The following DOCK3 variants were observed in gnomAD, a reference collection of about 807,000 sequenced individuals.
DOCK3 encodes the protein dedicator of cytokinesis protein 3.
DOCK3 carries 60 observed loss-of-function variants against 265.6 expected under a neutral mutation model. That is an observed-to-expected ratio of 0.23 (90% CI 0.18 to 0.28). DOCK3 has a LOEUF of 0.28. DOCK3 is among the 10% of genes least tolerant of loss of function. The pLI, the probability that DOCK3 is intolerant of heterozygous loss-of-function variation, is 1.00. For synonymous variants in DOCK3, 881 were observed against 938.0 expected (o/e 0.94, Z 1.11); for missense variants, 1,981 against 2,594.3 (o/e 0.76, Z 5.14).
In DOCK3 at chr3:51,313,753, G is replaced by A. The variant is rs538517590; in HGVS notation, c.3253+851G>A. ...AAGTAGGATATGAAGTATTTCTGCC[G>A]GCGAGAGGGCCTTCTATTCATGAGT... On this transcript the variant is annotated intron_variant, in intron 31 of 52. Coordinates refer to ENST00000266037, the MANE Select transcript of DOCK3 (RefSeq NM_004947.5). Among the ~76,000 whole-genome samples, 13 of 152,264 alleles carry A rather than the reference G, an allele frequency of 8.5e-5. No individual in the cohort carries two copies. In the South Asian group the frequency reaches 1.2e-3, roughly 15 times the overall value.
chr3:51,079,188 T>A (rs765542231), intron 7 of DOCK3, among the ~76,000 whole-genome samples: 10 of 152,134 alleles, frequency 6.6e-5, no homozygotes, highest in Non-Finnish European at 1.2e-4. Context: ...AAATCCTGTA[T>A]GAATAAGATT....
At chr3:51,174,881 C>G (rs968920844) in intron 12 of DOCK3, among the ~76,000 whole-genome samples, 1 of 152,200 alleles carries the variant, frequency 6.6e-6, no homozygotes. Context: ...TGGTGGGCCT[C>G]TTTCCAGGAG....
chr3:50,725,676 G>A (rs2037776592), intron 1 of DOCK3, among the ~76,000 whole-genome samples: 1 of 152,134 alleles, frequency 6.6e-6, no homozygotes, highest in African/African-American at 2.4e-5. Flanking sequence ...GCAGCAATGG[G>A]GATAGTGACC....
intron 7 of DOCK3, 84 bp from the exon 8 acceptor site, chr3:51,089,159 C>T: frequency 7.2e-7 from 1 of 1,384,144 alleles, no homozygotes; most frequent in South Asian, 1.3e-5. Flanking sequence ...AAAGGCATAG[C>T]AGACTGCCCA....
At chr3:50,954,281 ATTTCCTTCCTT>A (rs1167337902) in intron 5 of DOCK3, among the ~76,000 whole-genome samples, 1 of 152,066 alleles carries the variant, frequency 6.6e-6, no homozygotes, top group Non-Finnish European at 1.5e-5. Context: ...ATGTGTCAGG[ATTTCCTTCCTT>A]TTTAAGGCTG....
intron 12 of DOCK3, among the ~76,000 whole-genome samples, chr3:51,161,534 T>C (rs2086144535): frequency 6.6e-6 from 1 of 152,232 alleles, no homozygotes; most frequent in African/African-American, 2.4e-5. Context: ...GCATTATTTT[T>C]AATAAGCTTC....
At chr3:51,029,124 G>A (rs983104763) in intron 5 of DOCK3, among the ~76,000 whole-genome samples, 5 of 152,000 alleles carry the variant, frequency 3.3e-5, no homozygotes, top group African/African-American at 1.2e-4. Context: ...TGTGCTGTAT[G>A]TTGTATATGA....
Position 50,675,338 on chromosome 3 carries a change from G to A in DOCK3, c.37+38G>A, listed in dbSNP as rs2033855835. The A allele has an allele frequency of 8.2e-7, 1 of 1,215,356 alleles. No homozygotes were observed. The highest frequency in any genetic ancestry group is 1.0e-6 in the Non-Finnish European group (1 of 966,376). The allele number at this position is 1,215,356 out of a possible 1,614,324, so 75.3% of individuals were successfully genotyped here. On this transcript the variant is annotated intron_variant, in intron 1 of 52. Coordinates refer to ENST00000266037, the MANE Select transcript of DOCK3 (RefSeq NM_004947.5). This position sits in a 1 kb window ranked among gnomAD's most constrained non-coding sequence, Gnocchi z 6.1. ...CAGGCCTGGCCGTGGCGGGGGTTCT[G>A]GGGGACGCGCCCAGCTCCCGGCCCC...
chr3:50,718,234 C>CT (rs1262035649), intron 1 of DOCK3, among the ~76,000 whole-genome samples: 1 of 152,122 alleles, frequency 6.6e-6, no homozygotes, highest in Non-Finnish European at 1.5e-5. Context: ...ATTGTCAGCT[C>CT]TTTTTTGTGA....
intron 1 of DOCK3, among the ~76,000 whole-genome samples, chr3:50,735,417 T>G (rs1358860236): frequency 1.2e-4 from 18 of 152,168 alleles, no homozygotes. Flanking sequence ...CTCAGCTCCC[T>G]GTAACCTCTG....
intron 27 of DOCK3, among the ~76,000 whole-genome samples, chr3:51,281,934 C>T (rs947172752): frequency 6.6e-6 from 1 of 152,196 alleles, no homozygotes; most frequent in African/African-American, 2.4e-5. Context: ...AAGGATTCCT[C>T]AGCAAGGCTA....
chr3:50,741,206 C>T (rs956191856), intron 1 of DOCK3, among the ~76,000 whole-genome samples: 1 of 151,706 alleles, frequency 6.6e-6, no homozygotes, highest in African/African-American at 2.4e-5. Flanking sequence ...ATTGTTTCCA[C>T]CTTTTGGCTA....
intron 9 of DOCK3, among the ~76,000 whole-genome samples, chr3:51,134,233 A>G (rs541692430): frequency 3.3e-5 from 5 of 152,284 alleles, no homozygotes; most frequent in South Asian, 2.1e-4. Flanking sequence ...TAGTGCTGCA[A>G]TGAACATATG....
chr3:51,283,320 G>T (rs1406573210), intron 27 of DOCK3, among the ~76,000 whole-genome samples: 1 of 152,158 alleles, frequency 6.6e-6, no homozygotes, highest in South Asian at 2.1e-4. Context: ...GGAGAGGAGG[G>T]TTTGGACCTC....
At chr3:51,119,105 T>C (rs2083898493) in intron 9 of DOCK3, among the ~76,000 whole-genome samples, 1 of 152,230 alleles carries the variant, frequency 6.6e-6, no homozygotes, top group Admixed American at 6.5e-5. Context: ...TTGCAGTGGC[T>C]GATACCGGCT....
chr3:51,281,628 A>T (rs2081122957), intron 27 of DOCK3, among the ~76,000 whole-genome samples: 1 of 151,920 alleles, frequency 6.6e-6, no homozygotes, highest in South Asian at 2.1e-4. Context: ...TGTTTCAGTC[A>T]CTATCTTTTG....
intron 9 of DOCK3, among the ~76,000 whole-genome samples, chr3:51,094,917 T>G (rs1223137918): frequency 6.6e-6 from 1 of 152,042 alleles, no homozygotes; most frequent in Non-Finnish European, 1.5e-5. Flanking sequence ...TTTACCATTA[T>G]GTAATGCCCT....
chr3:51,142,306 A>G (rs2085101069), intron 9 of DOCK3, among the ~76,000 whole-genome samples: 1 of 152,190 alleles, frequency 6.6e-6, no homozygotes, highest in South Asian at 2.1e-4. Context: ...AGTCCTGACA[A>G]ATGTATATAG....
At chr3:50,825,666 C>T (rs1225326721) in intron 2 of DOCK3, among the ~76,000 whole-genome samples, 2 of 152,040 alleles carry the variant, frequency 1.3e-5, no homozygotes, top group Non-Finnish European at 1.5e-5. Flanking sequence ...AGCCTTCATC[C>T]TGTACTTGGC....
Sources: allele counts gnomAD v4.1 joint callset (sites outside exome capture counted in the v4.1 genomes callset), GRCh38; gene constraint gnomAD v4.1.1; non-coding constraint Gnocchi (gnomAD v3.1); transcripts MANE v1.5; gene names NCBI Gene and HGNC (gene_info 2026-07-23, HGNC 2026-07-21).